The following SIAH3 variants were observed in gnomAD, a reference collection of about 807,000 sequenced individuals.
SIAH3 encodes siah E3 ubiquitin protein ligase family member 3.
In SIAH3, 9 loss-of-function variants were observed where a neutral mutation model predicts 12.6. That is an observed-to-expected ratio of 0.72 (90% confidence interval 0.43 to 1.25). SIAH3 has a LOEUF of 1.25. Ranked by LOEUF, SIAH3 falls within the 50% of genes most tolerant of loss-of-function variation. SIAH3 has a pLI of 0.00. For synonymous variants in SIAH3, 154 were observed against 151.1 expected, an observed-to-expected ratio of 1.02 and a Z score of -0.14; for missense variants, 390 against 365.4, an observed-to-expected ratio of 1.07 and a Z score of -0.55.
At chr13:45,842,972 G>A (rs776324675) in intron 1 of SIAH3, among the ~76,000 whole-genome samples, 4 of 151,628 alleles carry the variant, frequency 2.6e-5, no homozygotes, top group Non-Finnish European at 4.4e-5. Context: ...TCTATTCAGA[G>A]TCCACTCAGG....
At chr13:45,803,300 G>A (rs7325023) in intron 1 of SIAH3, among the ~76,000 whole-genome samples, 78,323 of 151,890 alleles carry the variant, frequency 0.52, 21,254 homozygotes, top group African/African-American at 0.63. Flanking sequence ...AACTTTATCA[G>A]CCCTCTTTCA....
intron 1 of SIAH3, among the ~76,000 whole-genome samples, chr13:45,849,448 A>T (rs558646940): frequency 6.6e-6 from 1 of 152,336 alleles, no homozygotes; most frequent in South Asian, 2.1e-4. Flanking sequence ...TATATACAAT[A>T]ACATACATTA....
chr13:45,827,978 T>G (rs1950684865), intron 1 of SIAH3, among the ~76,000 whole-genome samples: 1 of 152,162 alleles, frequency 6.6e-6, no homozygotes, highest in African/African-American at 2.4e-5. Flanking sequence ...ATTCTTAAAT[T>G]TTAACAACGA....
intron 1 of SIAH3, among the ~76,000 whole-genome samples, chr13:45,831,996 G>A (rs548778305): frequency 3.3e-5 from 5 of 152,272 alleles, no homozygotes; most frequent in South Asian, 4.1e-4. Context: ...TTGGGAGGGC[G>A]GGAGAGCATT....
intron 1 of SIAH3, among the ~76,000 whole-genome samples, chr13:45,804,968 A>G (rs1950593840): frequency 1.2e-5 from 1 of 85,764 alleles, no homozygotes; most frequent in Non-Finnish European, 2.2e-5. Flanking sequence ...TTTATAACAC[A>G]CACACACACA....
At chr13:45,843,034 C>CTGTGTGTGTGTGTGTGTGTGTGTGTG (rs55772614) in intron 1 of SIAH3, among the ~76,000 whole-genome samples, 82 of 139,254 alleles carry the variant, frequency 5.9e-4, no homozygotes, top group Middle Eastern at 3.7e-3. Flanking sequence ...CTCTCTCTCT[C>CTGTGTGTGTGTGTGTGTGTGTGTGTG]TGTGTGTGTG....
intron 1 of SIAH3, among the ~76,000 whole-genome samples, chr13:45,822,831 A>G (rs1239345514): frequency 6.6e-6 from 1 of 151,976 alleles, no homozygotes; most frequent in East Asian, 1.9e-4. Flanking sequence ...GTGTTCTTGC[A>G]CTTCACGGCC....
chr13:45,814,265 A>C (rs1434892657), intron 1 of SIAH3, among the ~76,000 whole-genome samples: 1 of 147,382 alleles, frequency 6.8e-6, no homozygotes, highest in East Asian at 2.0e-4. Context: ...AAAAAAATAC[A>C]GTCCATAACA....
chr13:45,802,433 A>C (rs965953671), intron 1 of SIAH3, among the ~76,000 whole-genome samples: 1 of 152,216 alleles, frequency 6.6e-6, no homozygotes, highest in Non-Finnish European at 1.5e-5. Flanking sequence ...GCAGTGAGGC[A>C]GTGAAGGAAC....
At chr13:45,844,334 C>T (rs756314126) in intron 1 of SIAH3, among the ~76,000 whole-genome samples, 8 of 152,278 alleles carry the variant, frequency 5.3e-5, no homozygotes, top group Non-Finnish European at 8.8e-5. Context: ...ATCTCATTGG[C>T]CAATGGCTGG....
intron 1 of SIAH3, among the ~76,000 whole-genome samples, chr13:45,830,717 A>G (rs1950695729): frequency 6.6e-6 from 1 of 152,192 alleles, no homozygotes; most frequent in South Asian, 2.1e-4. Context: ...CTAGTGGGAG[A>G]ACCCAGCTGG....
At chr13:45,823,306 G>A (rs1167282751) in intron 1 of SIAH3, among the ~76,000 whole-genome samples, 1 of 152,106 alleles carries the variant, frequency 6.6e-6, no homozygotes, top group Admixed American at 6.6e-5. Context: ...TTCTGTAAAA[G>A]CTCCCCAGGC....
At chr13:45,831,137 C>A (rs1180738520) in intron 1 of SIAH3, among the ~76,000 whole-genome samples, 1 of 151,552 alleles carries the variant, frequency 6.6e-6, no homozygotes, top group Non-Finnish European at 1.5e-5. Context: ...CGAGATCGGG[C>A]CACTGCACTC....
At position 45,850,932 on chromosome 13, in the gene SIAH3, C is replaced by T. The variant is rs1593391610; in HGVS notation, c.135+563G>A. On this transcript the variant is annotated intron_variant, in intron 1 of 1. Transcript: ENST00000400405. ...ATCCTCCCGACACCACACACACACA[C>T]ACACACACACACACACACACACACA... Among the ~76,000 whole-genome samples the T allele has an allele frequency of 2.8e-5, 4 of 145,010 alleles. No individual in the cohort carries two copies. The South Asian group carries it at 8.5e-4, about 31-fold the overall frequency.
At chr13:45,794,802 A>G (rs977904506) in intron 1 of SIAH3, among the ~76,000 whole-genome samples, 1 of 152,216 alleles carries the variant, frequency 6.6e-6, no homozygotes, top group South Asian at 2.1e-4. Context: ...GAGAGAATGA[A>G]CTAATACACA....
rs2137543906 is a variant in SIAH3, at chr13:45,779,828, A to C, written c.*3555T>G. On this transcript the variant is annotated 3_prime_UTR_variant, in exon 2 of 2. Coordinates refer to ENST00000400405, the MANE Select transcript of SIAH3 (RefSeq NM_198849.3). The stretch of plus-strand genomic sequence containing the variant: ...ATGTCCAGAGTAGCCACAGCTAGTG[A>C]TGGGGTTTACCAGGTACAGATTCAT... 2.0e-5 allele frequency: 3 copies of C among 152,300 alleles called. No homozygotes were observed. Among genetic ancestry groups the C allele is most frequent in the African/African-American group, 7.2e-5 (3 of 41,558 alleles). The allele number at this position is 152,300 out of a possible 1,614,324, so 9.4% of individuals were successfully genotyped here.
chr13:45,805,324 A>G (rs1012899655), intron 1 of SIAH3, among the ~76,000 whole-genome samples: 1 of 152,226 alleles, frequency 6.6e-6, no homozygotes, highest in African/African-American at 2.4e-5. Flanking sequence ...CCTGACTTCA[A>G]ACTATACTAC....
chr13:45,846,411 T>C (rs1367592974), intron 1 of SIAH3, among the ~76,000 whole-genome samples: 1 of 152,126 alleles, frequency 6.6e-6, no homozygotes, highest in African/African-American at 2.4e-5. Flanking sequence ...ACTTCTAGTC[T>C]CAATTTTGTC....
intron 1 of SIAH3, among the ~76,000 whole-genome samples, chr13:45,850,616 CCCCTAACCAGTGGCCCATCATT>C (rs1206714229): frequency 1.3e-5 from 2 of 152,084 alleles, no homozygotes; most frequent in African/African-American, 4.8e-5. Flanking sequence ...CTCCCTACTA[CCCCTAACCAGTGGCCCATCATT>C]CCTTTCCCAG....
Sources: allele counts gnomAD v4.1 joint callset (sites outside exome capture counted in the v4.1 genomes callset), GRCh38; gene constraint gnomAD v4.1.1; transcripts MANE v1.5; gene names NCBI Gene and HGNC (gene_info 2026-07-23, HGNC 2026-07-21).